Variants in MYZAP observed in about 807,000 individuals in gnomAD.
MYZAP encodes the protein GRINL1A complex locus upstream.
Under a neutral mutation model 69.4 loss-of-function variants are expected in MYZAP, and 66 were observed. The observed-to-expected ratio is 0.95, with a 90% CI of 0.78 to 1.17. MYZAP has a LOEUF of 1.17. Among genes scored for constraint, MYZAP ranks in the 50% most tolerant of loss-of-function variants. The probability of loss-of-function intolerance (pLI) is 0.00; values close to 1 mark genes in which losing one functional copy is unlikely to be tolerated. For synonymous variants in MYZAP, 256 were observed against 205.9 expected, an observed-to-expected ratio of 1.24 and a Z score of -2.09; for missense variants, 611 against 556.2, an observed-to-expected ratio of 1.10 and a Z score of -0.99.
intron 10 of MYZAP, chr15:57,647,896 T>C (rs752270914): frequency 1.0e-5 from 10 of 985,304 alleles, no homozygotes; most frequent in Non-Finnish European, 1.2e-5. Context: ...ACTTGACTTA[T>C]ACTGCTTGTG....
chr15:57,601,143 C>G (rs1238572337), intron 1 of MYZAP, among the ~76,000 whole-genome samples: 3 of 152,158 alleles, frequency 2.0e-5, no homozygotes, highest in Non-Finnish European at 4.4e-5. Flanking sequence ...ATGTGACACT[C>G]TCCCTTTATC....
At chr15:57,609,458 T>C (rs531097425) in intron 2 of MYZAP, among the ~76,000 whole-genome samples, 1 of 152,330 alleles carries the variant, frequency 6.6e-6, no homozygotes, top group South Asian at 2.1e-4. Context: ...GCTCTGATTT[T>C]CACATGGCAT....
At chr15:57,682,762 A>G (rs1160232961) in intron 12 of MYZAP, among the ~76,000 whole-genome samples, 2 of 152,126 alleles carry the variant, frequency 1.3e-5, no homozygotes, top group Non-Finnish European at 1.5e-5. Context: ...AAAGGAGCAC[A>G]TGGTTTGCAG....
chr15:57,603,364 T>C (rs1167334326), intron 1 of MYZAP, among the ~76,000 whole-genome samples: 1 of 152,216 alleles, frequency 6.6e-6, no homozygotes, highest in Non-Finnish European at 1.5e-5. Flanking sequence ...TTTTGACCCT[T>C]TTTAAGTGTA....
intron 5 of MYZAP, among the ~76,000 whole-genome samples, chr15:57,626,186 G>C (rs145413247): frequency 0.015 from 2,244 of 152,272 alleles, 29 homozygotes; most frequent in South Asian, 0.045. Flanking sequence ...CAGCATCAGT[G>C]CCTAACCCCA....
chr15:57,605,402 C>T (rs1336208136), intron 2 of MYZAP, among the ~76,000 whole-genome samples: 2 of 152,122 alleles, frequency 1.3e-5, no homozygotes, highest in Non-Finnish European at 2.9e-5. Flanking sequence ...ATATAAATTT[C>T]ATAAATGGAG....
rs531252654 is a variant in MYZAP, at chr15:57,624,072, A to C, written c.412-1707A>C. On this transcript the variant is annotated intron_variant, in intron 4 of 12. Coordinates refer to ENST00000267853, the MANE Select transcript of MYZAP (RefSeq NM_001018100.5). ...GTGGTAATTTTTTATAAAAATATAAAAGTAACTTTATACTTTTGAAATGTT... is the reference window on the plus strand; with the variant it reads ...GTGGTAATTTTTTATAAAAATATAACAGTAACTTTATACTTTTGAAATGTT... 4.6e-5 allele frequency among the ~76,000 whole-genome samples: 7 copies of C among 152,330 alleles called. No homozygotes were observed. The East Asian group carries it at 1.2e-3, about 25-fold the overall frequency.
chr15:57,599,560 A>G lies in MYZAP; in HGVS notation c.76-4709A>G. Reference sequence around the variant, plus strand: ...AGTTCTTCGCATTGTGCATAACACAAGCCCTGAACCAGCTGCTTTGGGAAC... The same window carrying G: ...AGTTCTTCGCATTGTGCATAACACAGGCCCTGAACCAGCTGCTTTGGGAAC... On this transcript the variant is annotated intron_variant, in intron 1 of 12. Coordinates refer to ENST00000267853, the MANE Select transcript of MYZAP (RefSeq NM_001018100.5). The G allele has an allele frequency of 2.3e-6, 3 of 1,284,388 alleles. No individual in the cohort carries two copies. The South Asian group carries it at 3.7e-5, about 16-fold the overall frequency. 79.6% of individuals were successfully genotyped at this position (1,284,388 alleles called of 1,614,324 possible). A position where few individuals can be genotyped will look rare whatever the true frequency, so the allele number is the denominator to read the frequency against.
At chr15:57,646,880 C>G (rs1278981655) in intron 10 of MYZAP, 9 of 985,448 alleles carry the variant, frequency 9.1e-6, no homozygotes, top group Non-Finnish European at 9.6e-6. Context: ...ATATGTTGAA[C>G]TGAAACATCC....
intron 10 of MYZAP, among the ~76,000 whole-genome samples, chr15:57,649,459 T>C (rs951252872): frequency 3.9e-5 from 6 of 152,236 alleles, no homozygotes; most frequent in African/African-American, 1.2e-4. Context: ...ACTTGTGAGG[T>C]TGAGAAACTT....
At chr15:57,670,510 T>C (rs1440659198) in intron 11 of MYZAP, among the ~76,000 whole-genome samples, 1 of 152,094 alleles carries the variant, frequency 6.6e-6, no homozygotes, top group African/African-American at 2.4e-5. Flanking sequence ...TAGAAAATAG[T>C]TGGGACTTGC....
intron 10 of MYZAP, among the ~76,000 whole-genome samples, chr15:57,660,253 T>C (rs549555651): frequency 6.6e-6 from 1 of 152,316 alleles, no homozygotes; most frequent in East Asian, 1.9e-4. Context: ...CATATGTACT[T>C]TTTCTAGATA....
At chr15:57,677,596 G>A (rs1472303149) in intron 12 of MYZAP, among the ~76,000 whole-genome samples, 1 of 152,214 alleles carries the variant, frequency 6.6e-6, no homozygotes, top group African/African-American at 2.4e-5. Flanking sequence ...CCATGGTATT[G>A]TCCAGAATGT....
rs1349486788 is a variant in MYZAP, at chr15:57,684,939, A to G, written c.*441A>G. ...GAGGCAGCGTTTCTCTGATACAGAG[A>G]GGCCTGTCCACAAGAAGCATGGGCA... On this transcript the variant is annotated 3_prime_UTR_variant, in exon 13 of 13. Transcript: ENST00000267853. 6.5e-6 allele frequency: 1 copy of G among 154,168 alleles called. No homozygotes were observed. Among genetic ancestry groups the G allele is most frequent in the Non-Finnish European group, 1.4e-5 (1 of 69,436 alleles). The allele number at this position is 154,168 out of a possible 1,614,324, so 9.6% of individuals were successfully genotyped here. A position where few individuals can be genotyped will look rare whatever the true frequency, so the allele number is the denominator to read the frequency against.
At chr15:57,654,146 A>G (rs867357928) in intron 10 of MYZAP, among the ~76,000 whole-genome samples, 9 of 151,932 alleles carry the variant, frequency 5.9e-5, no homozygotes, top group Non-Finnish European at 8.8e-5. Flanking sequence ...TGCTTAGGTC[A>G]GAACCCAAGG....
intron 2 of MYZAP, among the ~76,000 whole-genome samples, chr15:57,614,374 A>G (rs1312903903): frequency 1.3e-5 from 2 of 152,252 alleles, no homozygotes; most frequent in Non-Finnish European, 2.9e-5. Context: ...AAGGATACTG[A>G]CATACACCAA....
chr15:57,605,780 G>A (rs2034704449), intron 2 of MYZAP, among the ~76,000 whole-genome samples: 1 of 152,162 alleles, frequency 6.6e-6, no homozygotes, highest in Admixed American at 6.5e-5. Flanking sequence ...AGGGGGATAT[G>A]GGACCTCTGG....
intron 5 of MYZAP, among the ~76,000 whole-genome samples, chr15:57,628,400 G>C (rs573113700): frequency 2.0e-5 from 3 of 152,202 alleles, no homozygotes; most frequent in East Asian, 3.9e-4. Flanking sequence ...CTCCTGGGTA[G>C]CTGGGGCTAC....
chr15:57,603,558 A>G (rs1379394735), intron 1 of MYZAP, among the ~76,000 whole-genome samples: 1 of 152,160 alleles, frequency 6.6e-6, no homozygotes, highest in African/African-American at 2.4e-5. Flanking sequence ...TACTCCTGGT[A>G]CCTCATCTAA....
Sources: allele counts gnomAD v4.1 joint callset (sites outside exome capture counted in the v4.1 genomes callset), GRCh38; gene constraint gnomAD v4.1.1; transcripts MANE v1.5; gene names NCBI Gene and HGNC (gene_info 2026-07-23, HGNC 2026-07-21).